The following IQSEC1 variants were observed in gnomAD, a reference collection of about 807,000 sequenced individuals.
The protein encoded by IQSEC1 is IQ motif and Sec7 domain ArfGEF 1.
In IQSEC1, 31 loss-of-function variants were observed where a neutral mutation model predicts 91.0. The observed-to-expected ratio is 0.34, with a 90% CI of 0.26 to 0.46. The LOEUF is 0.46. Ranked by LOEUF, IQSEC1 falls within the 20% of genes least tolerant of loss-of-function variation. The pLI is 1.00. For synonymous variants in IQSEC1, 699 were observed against 662.6 expected, an observed-to-expected ratio of 1.05 and a Z score of -0.84; for missense variants, 1,388 against 1,575.6, an observed-to-expected ratio of 0.88 and a Z score of 2.02.
chr3:13,273,408 T>C (rs150466926), intron 1 of IQSEC1, among the ~76,000 whole-genome samples: 24 of 152,184 alleles, frequency 1.6e-4, no homozygotes, highest in Non-Finnish European at 2.9e-4. Flanking sequence ...ACCACCTCAC[T>C]CCCTGTTTCA....
chr3:12,932,368 A>T (rs62242672), intron 3 of IQSEC1, among the ~76,000 whole-genome samples: 1 of 152,166 alleles, frequency 6.6e-6, no homozygotes, highest in Non-Finnish European at 1.5e-5. Context: ...TACATCATGG[A>T]TTTTAAGAGG....
intron 1 of IQSEC1, among the ~76,000 whole-genome samples, chr3:13,184,991 C>G (rs942412802): frequency 6.6e-6 from 1 of 152,204 alleles, no homozygotes; most frequent in African/African-American, 2.4e-5. Context: ...TACCTCCACA[C>G]AGACAAACAG....
intron 1 of IQSEC1, among the ~76,000 whole-genome samples, chr3:12,985,470 C>T (rs561417819): frequency 4.1e-5 from 6 of 147,058 alleles, no homozygotes; most frequent in East Asian, 2.1e-4. Flanking sequence ...ACAGAGACAC[C>T]GTTCTTTACT....
At chr3:13,114,426 C>T (rs564738917) in intron 2 of IQSEC1, among the ~76,000 whole-genome samples, 2 of 152,032 alleles carry the variant, frequency 1.3e-5, no homozygotes, top group South Asian at 2.1e-4. Context: ...GGTGGGGGAC[C>T]CAGGAAAAGT....
chr3:13,037,160 G>T (rs1460955468), intron 1 of IQSEC1, among the ~76,000 whole-genome samples: 1 of 152,132 alleles, frequency 6.6e-6, no homozygotes, highest in East Asian at 1.9e-4. Context: ...TTTCAATATT[G>T]AGTGTAGAAA....
chr3:13,069,815 C>A (rs964558788), intron 1 of IQSEC1, among the ~76,000 whole-genome samples: 7 of 152,210 alleles, frequency 4.6e-5, no homozygotes, highest in African/African-American at 1.7e-4. Flanking sequence ...ATCCTTCATT[C>A]AGACACCATT....
rs1376316409 is a variant in IQSEC1, at chr3:12,901,291, G to C, written c.3037C>G (p.Leu1013Val). The C allele has an allele frequency of 1.3e-6, 2 of 1,548,196 alleles. No individual in the cohort carries two copies. The highest frequency in any genetic ancestry group is 1.7e-6 in the Non-Finnish European group (2 of 1,146,642). Residue 1013 changes from leucine (L) to valine (V), a missense_variant, in exon 14 of 14, where the codon CTG becomes GTG. Transcript: ENST00000613206. ...TGCGGCAGCCCCTCTGGGGGCCCCAGGTGGTGGCCAGCCACAGAGTGCTGC... is the reference window on the plus strand; with the variant it reads ...TGCGGCAGCCCCTCTGGGGGCCCCACGTGGTGGCCAGCCACAGAGTGCTGC... ...HLQHSVAGHH[L>V]GPPEGLPQAA...
chr3:13,280,605 C>A (rs1695772628), intron 1 of IQSEC1, among the ~76,000 whole-genome samples: 2 of 152,324 alleles, frequency 1.3e-5, no homozygotes, highest in South Asian at 4.1e-4. Flanking sequence ...CCTGCTCACA[C>A]CAAGACTCCC....
At chr3:13,187,713 A>G (rs1228574672) in intron 1 of IQSEC1, among the ~76,000 whole-genome samples, 1 of 152,200 alleles carries the variant, frequency 6.6e-6, no homozygotes, top group African/African-American at 2.4e-5. Context: ...CTATAAAAAT[A>G]CCAGGGACTG....
In IQSEC1 at chr3:12,967,987, A is replaced by G. The variant is rs1700713072; in HGVS notation, c.24-26122T>C. Reference sequence around the variant, plus strand: ...GCAGAGCGCAAGGGCGGAGTCCCAGACACTGCATCCAGGTCCCAGCGCGCG... The same window carrying G: ...GCAGAGCGCAAGGGCGGAGTCCCAGGCACTGCATCCAGGTCCCAGCGCGCG... On this transcript the variant is annotated intron_variant, in intron 1 of 13. Transcript: ENST00000613206. This position sits in a 1 kb window ranked among gnomAD's most constrained non-coding sequence, Gnocchi z 5.9. Among the ~76,000 whole-genome samples, 1 of 152,198 alleles carries G rather than the reference A, an allele frequency of 6.6e-6. No homozygotes were observed. The highest frequency in any genetic ancestry group is 6.5e-5 in the Admixed American group (1 of 15,292).
chr3:13,245,724 G>A (rs1248927813), intron 1 of IQSEC1, among the ~76,000 whole-genome samples: 3 of 148,390 alleles, frequency 2.0e-5, no homozygotes, highest in Admixed American at 1.3e-4. Flanking sequence ...CAGAGGTCGC[G>A]CCACTGCACT....
intron 1 of IQSEC1, among the ~76,000 whole-genome samples, chr3:12,966,326 A>C (rs1700563004): frequency 6.6e-6 from 1 of 152,188 alleles, no homozygotes; most frequent in African/African-American, 2.4e-5. Flanking sequence ...TCTCAGTGCA[A>C]CTGCTGGACA....
chr3:12,985,662 T>TG (rs372736934), intron 1 of IQSEC1, among the ~76,000 whole-genome samples: 6 of 151,556 alleles, frequency 4.0e-5, no homozygotes, highest in Non-Finnish European at 5.9e-5. Flanking sequence ...GGTGGCAGAG[T>TG]GGGGGGGGTC....
At chr3:13,033,671 A>G (rs1703930046) in intron 1 of IQSEC1, among the ~76,000 whole-genome samples, 1 of 152,170 alleles carries the variant, frequency 6.6e-6, no homozygotes, top group Non-Finnish European at 1.5e-5. Context: ...AGACCCAAGA[A>G]GAGTCCGTGT....
chr3:13,050,275 G>A (rs1704648322), intron 1 of IQSEC1, among the ~76,000 whole-genome samples: 1 of 152,054 alleles, frequency 6.6e-6, no homozygotes, highest in African/African-American at 2.4e-5. Flanking sequence ...TCATCACTCA[G>A]CACAGCAGTG....
At chr3:13,162,732 A>C (rs1707199740) in intron 2 of IQSEC1, among the ~76,000 whole-genome samples, 1 of 152,072 alleles carries the variant, frequency 6.6e-6, no homozygotes, top group Non-Finnish European at 1.5e-5. Context: ...TACATTCCAG[A>C]GCTTTCTCCA....
intron 2 of IQSEC1, among the ~76,000 whole-genome samples, chr3:13,134,705 C>G (rs192361937): frequency 1.3e-5 from 2 of 152,274 alleles, no homozygotes; most frequent in Non-Finnish European, 2.9e-5. Flanking sequence ...CCCAGGAGCC[C>G]TGTAGTCTGA....
rs1695280160 is a variant in IQSEC1, at chr3:12,908,877, C to A, written c.2579-352G>T. 6.6e-6 allele frequency among the ~76,000 whole-genome samples: 1 copy of A among 151,880 alleles called. No individual in the cohort carries two copies. The highest frequency in any genetic ancestry group is 1.5e-5 in the Non-Finnish European group (1 of 67,944). On this transcript the variant is annotated intron_variant, in intron 11 of 13. Transcript: ENST00000613206. This position sits in a 1 kb window ranked among gnomAD's most constrained non-coding sequence, Gnocchi z 4.9. ...AGTGGTAGGGAGTCCCATGTGCCTCCAAGGAGTAGACCTGGAGCCAGGGAG... is the reference window on the plus strand; with the variant it reads ...AGTGGTAGGGAGTCCCATGTGCCTCAAAGGAGTAGACCTGGAGCCAGGGAG...
chr3:13,233,308 A>G (rs1007889864), intron 1 of IQSEC1, among the ~76,000 whole-genome samples: 5 of 151,912 alleles, frequency 3.3e-5, no homozygotes, highest in Non-Finnish European at 5.9e-5. Flanking sequence ...ACACACTTTG[A>G]GACATGCCAC....
Sources: allele counts gnomAD v4.1 joint callset (sites outside exome capture counted in the v4.1 genomes callset), GRCh38; gene constraint gnomAD v4.1.1; non-coding constraint Gnocchi (gnomAD v3.1); transcripts MANE v1.5; gene names NCBI Gene and HGNC (gene_info 2026-07-23, HGNC 2026-07-21).